Variants in SLC9A3 observed in about 807,000 individuals in gnomAD.
The protein encoded by SLC9A3 is solute carrier family 9 member A3.
Under a neutral mutation model 86.8 loss-of-function variants are expected in SLC9A3, and 37 were observed. The ratio of observed to expected loss-of-function variants is 0.43; its 90% CI spans 0.33 to 0.56. SLC9A3 has a LOEUF of 0.56. Among genes scored for constraint, SLC9A3 ranks in the 20% least tolerant of loss-of-function variants. The pLI is 0.06. For missense variants in SLC9A3, 1,011 were observed against 1,171.9 expected, an observed-to-expected ratio of 0.86 and a Z score of 2.00; for synonymous variants, 581 against 528.3, an observed-to-expected ratio of 1.10 and a Z score of -1.37.
rs555215466 is a variant in SLC9A3 at position 497,519 on chromosome 5, G to A, written c.212-5448C>T. Among the ~76,000 whole-genome samples, 4 of 152,176 alleles carry A rather than the reference G, an allele frequency of 2.6e-5. No individual in the cohort carries two copies. Among genetic ancestry groups the A allele is most frequent in the Non-Finnish European group, 5.9e-5 (4 of 68,038 alleles). On this transcript the variant is annotated intron_variant, in intron 1 of 16. Transcript: ENST00000264938. The surrounding 1 kb of genome is among the most constrained non-coding windows in gnomAD (Gnocchi z 5.4). ...CTTAGTTCACCTGTCGGAGCCACTC[G>A]TTCACGTTTATCTCTGTCTGGTTGT... is the stretch of plus-strand genomic sequence containing the variant.
At position 499,706 on chromosome 5, in the gene SLC9A3, C is replaced by T. The variant is rs571252869; in HGVS notation, c.212-7635G>A. ...CAGTCACTCCTGCTCCCTGGGGACA[C>T]GTGGGCCCTCGAGGCTCTAGAACGG... is the stretch of plus-strand genomic sequence containing the variant. On this transcript the variant is annotated intron_variant, in intron 1 of 16. Coordinates refer to ENST00000264938, the MANE Select transcript of SLC9A3 (RefSeq NM_004174.4). Among the ~76,000 whole-genome samples the T allele has an allele frequency of 5.9e-5, 9 of 152,362 alleles. No individual in the cohort carries two copies. The South Asian group carries it at 1.4e-3, about 25-fold the overall frequency.
intron 7 of SLC9A3, 70 bp downstream of exon 7, chr5:482,478 C>T: frequency 7.7e-7 from 1 of 1,307,118 alleles, no homozygotes; most frequent in Non-Finnish European, 1.1e-6. Flanking sequence ...AATGCTTGTC[C>T]TGAAGTGCGG....
intron 10 of SLC9A3, chr5:478,452 G>GCCCT (rs2126609385): frequency 2.9e-5 from 1 of 34,756 alleles, no homozygotes; most frequent in South Asian, 6.0e-4. Flanking sequence ...GCCCTGCCGT[G>GCCCT]GGGTGGGGGG....
chr5:473,190 G>A lies in SLC9A3; in HGVS notation c.*189C>T. ...CCCCGCCCCCGGCTCGCCCTCGGGC[G>A]GCTCTGCGGGCGCAGGCGCGGCACT... is the stretch of plus-strand genomic sequence containing the variant. On this transcript the variant is annotated 3_prime_UTR_variant, in exon 17 of 17. Coordinates refer to ENST00000264938, the MANE Select transcript of SLC9A3 (RefSeq NM_004174.4). 2.2e-6 allele frequency: 1 copy of A among 451,334 alleles called. No homozygotes were observed. Among genetic ancestry groups the A allele is most frequent in the Non-Finnish European group, 3.1e-6 (1 of 317,942 alleles). 28.0% of individuals were successfully genotyped at this position (451,334 alleles called of 1,614,324 possible). A position where few individuals can be genotyped will look rare whatever the true frequency, so the allele number is the denominator to read the frequency against.
intron 1 of SLC9A3, among the ~76,000 whole-genome samples, chr5:522,689 A>T (rs1473261919): frequency 6.6e-6 from 1 of 150,868 alleles, no homozygotes; most frequent in Non-Finnish European, 1.5e-5. Flanking sequence ...CAGTGAGCCG[A>T]GATCGCGTCA....
intron 15 of SLC9A3, 61 bp downstream of exon 15, chr5:475,500 C>A: frequency 9.9e-7 from 1 of 1,008,594 alleles, no homozygotes; most frequent in South Asian, 1.4e-5. Flanking sequence ...TGACCGAGCT[C>A]CCTCCTGGGG....
chr5:476,007 G>T lies in SLC9A3; in HGVS notation c.2140+13C>A, dbSNP rs989998175. 1.9e-6 allele frequency: 3 copies of T among 1,600,354 alleles called. No homozygotes were observed. Among genetic ancestry groups the T allele is most frequent in the African/African-American group, 2.7e-5 (2 of 74,562 alleles). On this transcript the variant is annotated intron_variant, in intron 14 of 16. Transcript: ENST00000264938. ...CTCCCAGTCCCAGCGTTCCTGCAGG[G>T]CCCCCAGCGCACCTTTCTCCTTGAT...
At position 491,871 on chromosome 5, in the gene SLC9A3, CGAA is replaced by C; in HGVS notation, c.409_411del (p.Phe137del). The C allele has an allele frequency of 6.2e-7, 1 of 1,610,520 alleles. No homozygotes were observed. The highest frequency in any genetic ancestry group is 8.5e-7 in the Non-Finnish European group (1 of 1,179,024). ...TACAACAGGATGGTCCCCAGGTTGC[CGAA>C]GAAGAGGCGGTTGGGCATGAAGTAG... On this transcript the variant is annotated inframe_deletion, in exon 2 of 17. Transcript: ENST00000264938. The surrounding 1 kb of genome is among the most constrained non-coding windows in gnomAD (Gnocchi z 9.2).
At chr5:484,958 G>A (rs1434884864) in intron 4 of SLC9A3, among the ~76,000 whole-genome samples, 195 bp downstream of exon 4, 3 of 152,240 alleles carry the variant, frequency 2.0e-5, no homozygotes, top group African/African-American at 7.2e-5. Flanking sequence ...CCTGTTCTGG[G>A]AAACACCCAG....
chr5:484,971 AC>A (rs1739396945), intron 4 of SLC9A3, among the ~76,000 whole-genome samples, 181 bp downstream of exon 4: 1 of 151,942 alleles, frequency 6.6e-6, no homozygotes, highest in African/African-American at 2.4e-5. Flanking sequence ...ACACCCAGGA[AC>A]CCCCAGGACC....
At position 473,309 on chromosome 5, in the gene SLC9A3, A is replaced by AGCGGCG. The variant is rs919790809; in HGVS notation, c.*64_*69dup. On this transcript the variant is annotated 3_prime_UTR_variant, in exon 17 of 17. Transcript: ENST00000264938. ...CGGGGATCTGGGGTTTCTCTGGGAC[A>AGCGGCG]GCGGCGGCGGCGGTGGGCGGACCGT... 2.2e-6 allele frequency: 3 copies of AGCGGCG among 1,364,368 alleles called. No individual in the cohort carries two copies. In the African/African-American group the frequency reaches 4.6e-5, roughly 21 times the overall value. 84.5% of individuals were successfully genotyped at this position (1,364,368 alleles called of 1,614,324 possible). A position where few individuals can be genotyped will look rare whatever the true frequency, so the allele number is the denominator to read the frequency against.
At chr5:473,890 C>T (rs1254639685) in intron 16 of SLC9A3, among the ~76,000 whole-genome samples, 1 of 152,240 alleles carries the variant, frequency 6.6e-6, no homozygotes. Flanking sequence ...TGTCTGGCTT[C>T]CCCCAGCCCT....
At position 476,204 on chromosome 5, in the gene SLC9A3, G is replaced by A. The variant is rs760662014; in HGVS notation, c.2065C>T (p.Arg689Trp). The change falls in exon 13 of 17, where the codon CGG becomes TGG. Residue 689 changes from arginine to tryptophan, a missense_variant and splice_region_variant. Transcript: ENST00000264938. ...GCCTCCTGGTGACCCAGCCTTACCC[G>A]CTTCTGGGCACGCTCCCGCTTGTAC... is the stretch of plus-strand genomic sequence containing the variant. ...KLYKRERAQK[R>W]RNSSIPNGKL... The A allele has an allele frequency of 4.3e-5, 69 of 1,613,440 alleles. No homozygotes were observed. The highest frequency in any genetic ancestry group is 5.3e-5 in the Non-Finnish European group (63 of 1,179,876).
intron 10 of SLC9A3, chr5:479,233 G>C (rs1317686470): frequency 1.3e-5 from 2 of 154,236 alleles, no homozygotes; most frequent in Non-Finnish European, 2.9e-5. Context: ...GGAGGTCAGG[G>C]CAGGCCGGGG....
chr5:512,582 G>A (rs1440019478), intron 1 of SLC9A3, among the ~76,000 whole-genome samples: 1 of 152,252 alleles, frequency 6.6e-6, no homozygotes, highest in Non-Finnish European at 1.5e-5. Context: ...AATAGGGGGA[G>A]TGGGGGGTGG....
rs1740058656 is a variant in SLC9A3, at chr5:497,187, G to T, written c.212-5116C>A. On this transcript the variant is annotated intron_variant, in intron 1 of 16. Coordinates refer to ENST00000264938, the MANE Select transcript of SLC9A3 (RefSeq NM_004174.4). The surrounding 1 kb of genome is among the most constrained non-coding windows in gnomAD (Gnocchi z 5.4). ...GTTCTTGAAATCCCCGAGCCTGGAA[G>T]TGGATCTGGGTGGCACTGGTGGGTG... Among the ~76,000 whole-genome samples the T allele has an allele frequency of 6.6e-6, 1 of 152,232 alleles. No homozygotes were observed. The highest frequency in any genetic ancestry group is 6.5e-5 in the Admixed American group (1 of 15,288).
Position 492,049 on chromosome 5 carries a change from G to A in SLC9A3, c.234C>T (p.Val78=). 1 of 1,514,246 alleles carries A rather than the reference G, an allele frequency of 6.6e-7. No homozygotes were observed. The highest frequency in any genetic ancestry group is 1.3e-5 in the South Asian group (1 of 79,194). The allele number at this position is 1,514,246 out of a possible 1,614,324, so 93.8% of individuals were successfully genotyped here. Residue 78 remains valine, a synonymous_variant, in exon 2 of 17, where the codon GTC becomes GTT. Transcript: ENST00000264938. ...AKIGFHLSHK[V]TSVVPESALL... The stretch of plus-strand genomic sequence containing the variant: ...GGGCGCTCTCGGGAACCACGCTGGT[G>A]ACCTTGTGGGACAGGTGGAACCCTG...
chr5:483,576 G>A (rs948270138), intron 5 of SLC9A3, 94 bp from the exon 6 acceptor site: 1 of 883,134 alleles, frequency 1.1e-6, no homozygotes, highest in Non-Finnish European at 1.8e-6. Flanking sequence ...GCGCCTGTAG[G>A]CCCAGAGTCA....
chr5:482,587 G>A lies in SLC9A3; in HGVS notation c.1317C>T (p.Ser439=). ...DKVKEKNLFV[S]TTIIVVFFTV... ...TGAAGAACACTACGATGATGGTGGT[G>A]CTGACGAACAGGTTCTTCTCCTTGA... Residue 439 remains serine (S), a synonymous_variant, in exon 7 of 17, where the codon AGC becomes AGT. Coordinates refer to ENST00000264938, the MANE Select transcript of SLC9A3 (RefSeq NM_004174.4). 6.2e-7 allele frequency: 1 copy of A among 1,612,930 alleles called. No individual in the cohort carries two copies. Among genetic ancestry groups the A allele is most frequent in the Non-Finnish European group, 8.5e-7 (1 of 1,179,888 alleles).
Sources: allele counts gnomAD v4.1 joint callset (sites outside exome capture counted in the v4.1 genomes callset), GRCh38; gene constraint gnomAD v4.1.1; non-coding constraint Gnocchi (gnomAD v3.1); transcripts MANE v1.5; gene names NCBI Gene and HGNC (gene_info 2026-07-23, HGNC 2026-07-21).